Variants in GTF2H5 observed in about 807,000 individuals in gnomAD.
The protein encoded by GTF2H5 is general transcription factor IIH subunit 5, also known as TFB5 ortholog.
GTF2H5 carries 5 observed loss-of-function variants against 7.1 expected under a neutral mutation model. The ratio of observed to expected loss-of-function variants is 0.71; its 90% CI spans 0.37 to 1.49. The LOEUF (loss-of-function observed/expected upper bound fraction) is 1.49, where lower values mean the gene tolerates loss of function less well. Among genes scored for constraint, GTF2H5 ranks in the 40% most tolerant of loss-of-function variants. GTF2H5 has a pLI of 0.03. For synonymous variants in GTF2H5, 30 were observed against 31.7 expected, an observed-to-expected ratio of 0.95 and a Z score of 0.18; for missense variants, 80 against 83.0, an observed-to-expected ratio of 0.96 and a Z score of 0.14.
intron 1 of GTF2H5, among the ~76,000 whole-genome samples, chr6:158,169,678 A>AATATATTGTATATT (rs1785783723): frequency 4.1e-5 from 2 of 48,886 alleles, no homozygotes; most frequent in African/African-American, 2.2e-4. Context: ...TATATTATAT[A>AATATATTGTATATT]ATATATAATA....
At chr6:158,169,593 G>A (rs866505202) in intron 1 of GTF2H5, among the ~76,000 whole-genome samples, 1 of 56,458 alleles carries the variant, frequency 1.8e-5, no homozygotes, top group African/African-American at 7.4e-5. Context: ...ATAATATATT[G>A]TATATTACAT....
intron 2 of GTF2H5, among the ~76,000 whole-genome samples, chr6:158,182,463 A>G (rs1786023763): frequency 6.6e-6 from 1 of 152,186 alleles, no homozygotes; most frequent in Admixed American, 6.5e-5. Flanking sequence ...AATATCCTGA[A>G]GAGTGTTTTC....
At chr6:158,186,412 G>A (rs1209938760) in intron 2 of GTF2H5, among the ~76,000 whole-genome samples, 1 of 152,206 alleles carries the variant, frequency 6.6e-6, no homozygotes, top group East Asian at 1.9e-4. Flanking sequence ...TCATCTGAAT[G>A]TACTGAGCTC....
chr6:158,169,322 ATG>A (rs1472756184), intron 1 of GTF2H5, among the ~76,000 whole-genome samples: 1 of 104,162 alleles, frequency 9.6e-6, no homozygotes, highest in East Asian at 3.7e-4. Flanking sequence ...TATGTATATT[ATG>A]TATATTATAT....
At chr6:158,185,270 G>A (rs184504735) in intron 2 of GTF2H5, among the ~76,000 whole-genome samples, 99 of 151,974 alleles carry the variant, frequency 6.5e-4, no homozygotes, top group Admixed American at 1.2e-3. Flanking sequence ...TGCCAGACAC[G>A]GTGGCACACG....
At chr6:158,173,771 G>T (rs184216552) in intron 2 of GTF2H5, among the ~76,000 whole-genome samples, 4 of 151,614 alleles carry the variant, frequency 2.6e-5, no homozygotes, top group Admixed American at 2.6e-4. Flanking sequence ...GAATAAAAGG[G>T]TGGCTACCCC....
chr6:158,174,984 TC>T, intron 2 of GTF2H5, among the ~76,000 whole-genome samples: 1 of 131,466 alleles, frequency 7.6e-6, no homozygotes, highest in Non-Finnish European at 1.6e-5. Flanking sequence ...GCTGAAGTTT[TC>T]CAGGCACCCA....
chr6:158,190,511 A>G (rs1777008891), intron 2 of GTF2H5: 1 of 319,162 alleles, frequency 3.1e-6, no homozygotes, highest in African/African-American at 2.2e-5. Flanking sequence ...TCAACCCAGC[A>G]GCCAATATGA....
intron 2 of GTF2H5, among the ~76,000 whole-genome samples, chr6:158,176,526 A>G (rs182856828): frequency 3.3e-5 from 5 of 152,210 alleles, no homozygotes; most frequent in Admixed American, 6.6e-5. Flanking sequence ...CGCCCAGCCT[A>G]TGTTTGCTTT....
intron 2 of GTF2H5, among the ~76,000 whole-genome samples, chr6:158,180,088 T>C (rs906170437): frequency 3.3e-5 from 5 of 152,138 alleles, no homozygotes; most frequent in African/African-American, 1.2e-4. Context: ...CCTTTTCTGC[T>C]GTTGAATTTT....
intron 1 of GTF2H5, among the ~76,000 whole-genome samples, chr6:158,169,693 T>TATAATATATAATATATTGTATATTA (rs1483686884): frequency 1.5e-5 from 1 of 66,148 alleles, no homozygotes; most frequent in African/African-American, 7.4e-5. Context: ...ATAATATATA[T>TATAATATATAATATATTGTATATTA]TATATAATAT....
intron 1 of GTF2H5, among the ~76,000 whole-genome samples, chr6:158,169,373 G>A (rs1363890620): frequency 4.9e-4 from 43 of 87,440 alleles, no homozygotes; most frequent in African/African-American, 2.1e-3. Flanking sequence ...TATATAATAT[G>A]TATATTATAT....
At chr6:158,171,977 A>C (rs1785862735) in intron 2 of GTF2H5, among the ~76,000 whole-genome samples, 1 of 152,148 alleles carries the variant, frequency 6.6e-6, no homozygotes. Context: ...CATAACATAA[A>C]CATTTTCCTC....
chr6:158,192,138 T>C lies in GTF2H5; in HGVS notation c.197T>C (p.Phe66Ser), dbSNP rs746935592. 3 of 1,612,952 alleles carry C rather than the reference T, an allele frequency of 1.9e-6. No homozygotes were observed. The South Asian group carries it at 3.3e-5, about 18-fold the overall frequency. ...RVGELMDQNA[F>S]SLTQK The stretch of plus-strand genomic sequence containing the variant: ...GGTGAATTAATGGACCAAAATGCTT[T>C]TTCCCTTACCCAGAAATGAAAATAC... The change falls in exon 3 of 3, where the codon TTT becomes TCT. Residue 66 changes from phenylalanine to serine, a missense_variant. By Grantham distance (155) the Phe-to-Ser change is radical. Coordinates refer to ENST00000607778, the MANE Select transcript of GTF2H5 (RefSeq NM_207118.3).
intron 2 of GTF2H5, among the ~76,000 whole-genome samples, chr6:158,171,534 G>A (rs1476322830): frequency 2.0e-5 from 3 of 152,212 alleles, no homozygotes; most frequent in African/African-American, 7.2e-5. Flanking sequence ...AAAGGAGGAA[G>A]TGTTTTGTAG....
chr6:158,169,088 G>T (rs1042648682), intron 1 of GTF2H5, among the ~76,000 whole-genome samples: 1 of 150,904 alleles, frequency 6.6e-6, no homozygotes, highest in African/African-American at 2.4e-5. Context: ...ACAAAATTTG[G>T]CCTGGCGTGG....
At position 158,169,838 on chromosome 6, in the gene GTF2H5, T is replaced by C. The variant is rs7765558; in HGVS notation, c.-34-632T>C. Among the ~76,000 whole-genome samples, 533 of 116,190 alleles carry C rather than the reference T, an allele frequency of 4.6e-3. 22 individuals are homozygous for C. The highest frequency in any genetic ancestry group is 0.017 in the African/African-American group (492 of 29,148). 76.2% of individuals were successfully genotyped at this position (116,190 alleles called of 152,430 possible). A position where few individuals can be genotyped will look rare whatever the true frequency, so the allele number is the denominator to read the frequency against. On this transcript the variant is annotated intron_variant, in intron 1 of 2. Coordinates refer to ENST00000607778, the MANE Select transcript of GTF2H5 (RefSeq NM_207118.3). ...TTATATATAAAAGTGTGTATATATA[T>C]ACACACACACACACACGATACAACA...
chr6:158,174,357 C>T (rs1253021324), intron 2 of GTF2H5, among the ~76,000 whole-genome samples: 3 of 152,180 alleles, frequency 2.0e-5, no homozygotes, highest in Non-Finnish European at 4.4e-5. Flanking sequence ...GATTTTGAGT[C>T]TGCAGAGATT....
intron 2 of GTF2H5, among the ~76,000 whole-genome samples, chr6:158,182,011 A>G (rs930794764): frequency 5.3e-5 from 8 of 152,048 alleles, no homozygotes; most frequent in African/African-American, 1.9e-4. Context: ...AGTGGCTGGT[A>G]CCGGTTGTTC....
Sources: allele counts gnomAD v4.1 joint callset (sites outside exome capture counted in the v4.1 genomes callset), GRCh38; gene constraint gnomAD v4.1.1; transcripts MANE v1.5; gene names NCBI Gene and HGNC (gene_info 2026-07-23, HGNC 2026-07-21).